ACSS3: variants seen among roughly 807,000 people sequenced by gnomAD.
The protein encoded by ACSS3 is acyl-CoA synthetase short-chain family member 3, mitochondrial.
Under a neutral mutation model 84.2 loss-of-function variants are expected in ACSS3, and 64 were observed. The ratio of observed to expected loss-of-function variants is 0.76; its 90% CI spans 0.62 to 0.94. The LOEUF is 0.94. Ranked by LOEUF, ACSS3 falls within the 40% of genes least tolerant of loss-of-function variation. ACSS3 has a pLI of 0.00. For synonymous variants in ACSS3, 317 were observed against 310.1 expected (o/e 1.02, Z -0.23); for missense variants, 815 against 867.6 (o/e 0.94, Z 0.76).
intron 5 of ACSS3, among the ~76,000 whole-genome samples, chr12:81,148,166 A>G (rs1018789988): frequency 1.3e-5 from 2 of 152,104 alleles, no homozygotes; most frequent in Non-Finnish European, 2.9e-5. Context: ...CATTAAAAAA[A>G]AAAACTTATA....
At chr12:81,121,221 G>A (rs1884566579) in intron 2 of ACSS3, among the ~76,000 whole-genome samples, 1 of 152,206 alleles carries the variant, frequency 6.6e-6, no homozygotes, top group Non-Finnish European at 1.5e-5. Flanking sequence ...ATCCTGGGAA[G>A]TGTGGTTGGT....
intron 13 of ACSS3, among the ~76,000 whole-genome samples, chr12:81,236,698 C>T (rs532910053): frequency 6.6e-6 from 1 of 151,412 alleles, no homozygotes; most frequent in Non-Finnish European, 1.5e-5. Context: ...CTTTTTCATT[C>T]TCTTATTTCA....
In ACSS3 at chr12:81,103,836, A is replaced by G. The variant is rs79752187; in HGVS notation, c.312-5724A>G. Among the ~76,000 whole-genome samples the G allele has an allele frequency of 4.2e-3, 638 of 152,312 alleles. 7 individuals are homozygous for G. Among genetic ancestry groups the G allele is most frequent in the African/African-American group, 0.015 (621 of 41,578 alleles). On this transcript the variant is annotated intron_variant, in intron 1 of 15. Transcript: ENST00000548058. ...TTTGAGTATTGTTTATAGAAGTAGT[A>G]TTGTATGTTTGAGGGTTTGGTTCTG...
At chr12:81,196,346 G>A (rs975191234) in intron 8 of ACSS3, among the ~76,000 whole-genome samples, 23 of 152,068 alleles carry the variant, frequency 1.5e-4, no homozygotes, top group African/African-American at 5.3e-4. Flanking sequence ...AGTCCAATTT[G>A]AGATTTGGTA....
intron 8 of ACSS3, among the ~76,000 whole-genome samples, chr12:81,187,464 G>A (rs1410049764): frequency 6.6e-6 from 1 of 151,764 alleles, no homozygotes; most frequent in African/African-American, 2.4e-5. Flanking sequence ...CTCATATTCA[G>A]AGCTAATACT....
intron 3 of ACSS3, among the ~76,000 whole-genome samples, chr12:81,135,471 C>T (rs1022673399): frequency 4.1e-5 from 6 of 145,112 alleles, no homozygotes; most frequent in Admixed American, 1.4e-4. Flanking sequence ...AAAATATATA[C>T]ACACACACAC....
At chr12:81,167,846 G>T (rs1028978525) in intron 7 of ACSS3, among the ~76,000 whole-genome samples, 2 of 152,288 alleles carry the variant, frequency 1.3e-5, no homozygotes, top group African/African-American at 4.8e-5. Flanking sequence ...TAGCCATGGA[G>T]AAGTCTCACC....
intron 8 of ACSS3, among the ~76,000 whole-genome samples, chr12:81,184,585 A>AACTTT (rs2031143766): frequency 6.6e-6 from 1 of 151,864 alleles, no homozygotes; most frequent in Non-Finnish European, 1.5e-5. Context: ...AATAAAAGTG[A>AACTTT]AGAAATTCTA....
chr12:81,225,207 G>T (rs1238042675), intron 11 of ACSS3, among the ~76,000 whole-genome samples: 1 of 151,460 alleles, frequency 6.6e-6, no homozygotes, highest in African/African-American at 2.4e-5. Flanking sequence ...AAAAACACAT[G>T]ATTCCAATTA....
At chr12:81,145,982 A>G (rs1431832880) in intron 5 of ACSS3, among the ~76,000 whole-genome samples, 1 of 152,228 alleles carries the variant, frequency 6.6e-6, no homozygotes, top group African/African-American at 2.4e-5. Flanking sequence ...AGTGGACTTT[A>G]GGGTTGAAAT....
Position 81,255,119 on chromosome 12 carries a change from A to T in ACSS3, c.*197A>T. 1 of 493,222 alleles carries T rather than the reference A, an allele frequency of 2.0e-6. No individual in the cohort carries two copies. Among genetic ancestry groups the T allele is most frequent in the South Asian group, 3.1e-5 (1 of 32,440 alleles). 30.6% of individuals were successfully genotyped at this position (493,222 alleles called of 1,614,324 possible). ...TTTTTTTTGGTTTGACCCTGTTAGC[A>T]TTGTTATTAGTTATCTATAACATGG... On this transcript the variant is annotated 3_prime_UTR_variant, in exon 16 of 16. Coordinates refer to ENST00000548058, the MANE Select transcript of ACSS3 (RefSeq NM_024560.4).
At chr12:81,079,188 G>T (rs1169273443) in intron 1 of ACSS3, among the ~76,000 whole-genome samples, 1 of 152,202 alleles carries the variant, frequency 6.6e-6, no homozygotes, top group East Asian at 1.9e-4. Flanking sequence ...TCCACCTGGA[G>T]TTGGAATTAT....
intron 13 of ACSS3, among the ~76,000 whole-genome samples, chr12:81,252,015 C>T (rs1038065581): frequency 1.3e-5 from 2 of 152,124 alleles, no homozygotes; most frequent in African/African-American, 4.8e-5. Context: ...CCTCCATTCT[C>T]ACTCTTTTTG....
chr12:81,103,533 A>G (rs917557735), intron 1 of ACSS3, among the ~76,000 whole-genome samples: 1 of 152,246 alleles, frequency 6.6e-6, no homozygotes, highest in East Asian at 1.9e-4. Context: ...CAGTAAACCA[A>G]TCTCTAAGCT....
At chr12:81,196,205 A>G (rs2031821068) in intron 8 of ACSS3, among the ~76,000 whole-genome samples, 1 of 152,084 alleles carries the variant, frequency 6.6e-6, no homozygotes, top group Non-Finnish European at 1.5e-5. Flanking sequence ...AGGCCAGTAT[A>G]AGAATTCTGT....
At chr12:81,109,336 AT>A (rs1160488713) in intron 1 of ACSS3, among the ~76,000 whole-genome samples, 1 of 152,096 alleles carries the variant, frequency 6.6e-6, no homozygotes, top group Non-Finnish European at 1.5e-5. Context: ...TGAGGTATGT[AT>A]TTTTTTAGTG....
intron 13 of ACSS3, among the ~76,000 whole-genome samples, chr12:81,253,102 A>G (rs2136019490): frequency 6.6e-6 from 1 of 152,314 alleles, no homozygotes; most frequent in East Asian, 1.9e-4. Context: ...TGGGGATTCT[A>G]AGCATTCACT....
intron 2 of ACSS3, among the ~76,000 whole-genome samples, chr12:81,132,001 T>C (rs1241371432): frequency 6.6e-6 from 1 of 152,166 alleles, no homozygotes; most frequent in Non-Finnish European, 1.5e-5. Context: ...TGGATTAGCT[T>C]TTTGAAGTGC....
rs997273203 is a variant in ACSS3 at position 81,109,352 on chromosome 12, T to C, written c.312-208T>C. ...GAGGTATGTATTTTTTTAGTGCACA[T>C]CAAAATAAATACATGCTTATTAAAA... On this transcript the variant is annotated intron_variant, in intron 1 of 15. Transcript: ENST00000548058. Among the ~76,000 whole-genome samples, 9 of 152,094 alleles carry C rather than the reference T, an allele frequency of 5.9e-5. No individual in the cohort carries two copies. The East Asian group carries it at 1.7e-3, about 29-fold the overall frequency.
Sources: gnomAD v4.1 joint callset for allele counts (sites outside exome capture counted in the v4.1 genomes callset) on GRCh38, gnomAD v4.1.1 for gene constraint, MANE v1.5 for transcripts, NCBI Gene and HGNC (gene_info 2026-07-23, HGNC 2026-07-21) for gene names.